The following PLXNA2 variants were observed in gnomAD, a reference collection of about 807,000 sequenced individuals.
PLXNA2 encodes plexin-A2.
Under a neutral mutation model 193.5 loss-of-function variants are expected in PLXNA2, and 91 were observed. The ratio of observed to expected loss-of-function variants is 0.47; its 90% CI spans 0.40 to 0.56. The LOEUF is 0.56. PLXNA2 is among the 20% of genes least tolerant of loss of function. PLXNA2 has a pLI of 0.00. For missense variants in PLXNA2, 1,995 were observed against 2,503.2 expected, an observed-to-expected ratio of 0.80 and a Z score of 4.33; for synonymous variants, 997 against 1,027.3, an observed-to-expected ratio of 0.97 and a Z score of 0.56.
In PLXNA2 at chr1:208,220,053, C is replaced by T. The variant is rs936184902; in HGVS notation, c.-80-2051G>A. Among the ~76,000 whole-genome samples the T allele has an allele frequency of 3.9e-5, 6 of 152,286 alleles. No individual in the cohort carries two copies. In the East Asian group the frequency reaches 7.7e-4, roughly 20 times the overall value. ...GCAAGAGGCCATTCTCTGCCCCTGTCGCTGGGAAGAAAATCTCCTTGGGTT... is the reference window on the plus strand; with the variant it reads ...GCAAGAGGCCATTCTCTGCCCCTGTTGCTGGGAAGAAAATCTCCTTGGGTT... On this transcript the variant is annotated intron_variant, in intron 1 of 31. Coordinates refer to ENST00000367033, the MANE Select transcript of PLXNA2 (RefSeq NM_025179.4).
intron 3 of PLXNA2, among the ~76,000 whole-genome samples, chr1:208,171,265 G>A (rs960940910): frequency 7.9e-5 from 12 of 152,190 alleles, no homozygotes; most frequent in South Asian, 6.2e-4. Context: ...TGCTGGGGAA[G>A]GGCTGGGGTA....
intron 13 of PLXNA2, among the ~76,000 whole-genome samples, chr1:208,056,499 A>C (rs1665435909): frequency 6.6e-6 from 1 of 152,212 alleles, no homozygotes; most frequent in Non-Finnish European, 1.5e-5. Context: ...GTAGGAAAGG[A>C]GAAGGCCTGG....
intron 4 of PLXNA2, among the ~76,000 whole-genome samples, chr1:208,141,075 G>A (rs763045351): frequency 6.6e-6 from 1 of 152,206 alleles, no homozygotes; most frequent in Non-Finnish European, 1.5e-5. Flanking sequence ...ATACTTCAAC[G>A]GCAGAGGCCA....
rs576974824 is a variant in PLXNA2 at position 208,200,765 on chromosome 1, A to ATT, written c.1371+9513_1371+9514dup. Among the ~76,000 whole-genome samples the ATT allele has an allele frequency of 6.2e-5, 9 of 145,060 alleles. No individual in the cohort carries two copies. In the South Asian group the frequency reaches 1.8e-3, roughly 28 times the overall value. On this transcript the variant is annotated intron_variant, in intron 3 of 31. Transcript: ENST00000367033. ...AGGCATCCGCCACCAGGCCCAGCTA[A>ATT]TTTTTTTTTTTTGTATTTTTAGTAG...
At chr1:208,190,147 G>T (rs936760503) in intron 3 of PLXNA2, among the ~76,000 whole-genome samples, 12 of 152,168 alleles carry the variant, frequency 7.9e-5, no homozygotes, top group African/African-American at 2.9e-4. Context: ...GAAGGAGGCA[G>T]AAAAGGGATT....
chr1:208,128,081 C>T (rs964392151), intron 4 of PLXNA2, among the ~76,000 whole-genome samples: 22 of 152,090 alleles, frequency 1.4e-4, no homozygotes, highest in African/African-American at 4.6e-4. Context: ...CAGAGAGATC[C>T]GGAGCCAAGA....
intron 4 of PLXNA2, among the ~76,000 whole-genome samples, chr1:208,113,022 A>AAAC (rs1260711283): frequency 6.6e-6 from 1 of 151,730 alleles, no homozygotes; most frequent in East Asian, 1.9e-4. Context: ...AAAAAAAAAA[A>AAAC]AACAGAGATG....
intron 3 of PLXNA2, among the ~76,000 whole-genome samples, chr1:208,162,618 G>A (rs1235612403): frequency 6.6e-6 from 1 of 152,194 alleles, no homozygotes; most frequent in Non-Finnish European, 1.5e-5. Context: ...AATCAGGCAA[G>A]GAAGGCAGAT....
At chr1:208,215,444 G>T (rs1011441540) in intron 2 of PLXNA2, among the ~76,000 whole-genome samples, 2 of 152,088 alleles carry the variant, frequency 1.3e-5, no homozygotes, top group Non-Finnish European at 2.9e-5. Flanking sequence ...TAGATGGAGG[G>T]CTAGGTAGAC....
At chr1:208,153,135 C>G (rs920764527) in intron 3 of PLXNA2, among the ~76,000 whole-genome samples, 1 of 152,180 alleles carries the variant, frequency 6.6e-6, no homozygotes, top group African/African-American at 2.4e-5. Flanking sequence ...GAAGGAATCC[C>G]TGTTGCTGAG....
chr1:208,064,514 A>T (rs1665725625), intron 12 of PLXNA2, among the ~76,000 whole-genome samples: 1 of 152,078 alleles, frequency 6.6e-6, no homozygotes, highest in African/African-American at 2.4e-5. Context: ...CTGTTTAAAA[A>T]TCCCTGAGCC....
chr1:208,223,427 C>T (rs1238256302), intron 1 of PLXNA2, among the ~76,000 whole-genome samples: 3 of 152,066 alleles, frequency 2.0e-5, no homozygotes, highest in Admixed American at 6.6e-5. Flanking sequence ...GTCCTGTTTT[C>T]GGGAAAGTGG....
intron 1 of PLXNA2, among the ~76,000 whole-genome samples, chr1:208,242,374 C>T (rs1320459967): frequency 6.6e-6 from 1 of 152,184 alleles, no homozygotes; most frequent in Non-Finnish European, 1.5e-5. Flanking sequence ...CGCTCATAAG[C>T]CTTGTCCACT....
intron 3 of PLXNA2, among the ~76,000 whole-genome samples, chr1:208,188,726 A>AT (rs1451385964): frequency 6.6e-6 from 1 of 151,710 alleles, no homozygotes; most frequent in Non-Finnish European, 1.5e-5. Context: ...AAAAAAAAAA[A>AT]GAAAAAAAAT....
intron 4 of PLXNA2, among the ~76,000 whole-genome samples, chr1:208,127,906 T>G (rs1389910473): frequency 6.6e-5 from 10 of 152,104 alleles, no homozygotes; most frequent in Non-Finnish European, 1.3e-4. Context: ...TGACTGCCCC[T>G]CCTCTCTGTG....
rs1664300422 is a variant in PLXNA2 at position 208,025,037 on chromosome 1, C to T, written c.*2206G>A. ...GCCAGTCATTAGTATTTCCTTCAGG[C>T]TACTAATAGGGCCTGAGAAACTTTA... is the stretch of plus-strand genomic sequence containing the variant. On this transcript the variant is annotated 3_prime_UTR_variant, in exon 32 of 32. Coordinates refer to ENST00000367033, the MANE Select transcript of PLXNA2 (RefSeq NM_025179.4). 6.6e-6 allele frequency: 1 copy of T among 152,618 alleles called. No homozygotes were observed. The highest frequency in any genetic ancestry group is 2.4e-5 in the African/African-American group (1 of 41,446). 9.5% of individuals were successfully genotyped at this position (152,618 alleles called of 1,614,324 possible). A position where few individuals can be genotyped will look rare whatever the true frequency, so the allele number is the denominator to read the frequency against.
At chr1:208,150,743 A>C in intron 3 of PLXNA2, among the ~76,000 whole-genome samples, 1 of 152,134 alleles carries the variant, frequency 6.6e-6, no homozygotes, top group East Asian at 1.9e-4. Context: ...CCCCTGCTCC[A>C]TGCCTTCCTA....
chr1:208,205,692 A>G (rs1159062424), intron 3 of PLXNA2, among the ~76,000 whole-genome samples: 1 of 152,136 alleles, frequency 6.6e-6, no homozygotes. Flanking sequence ...GTTGGTGACC[A>G]TCCAGTCTCT....
intron 22 of PLXNA2, among the ~76,000 whole-genome samples, chr1:208,041,090 C>T (rs781088405): frequency 3.3e-5 from 5 of 152,326 alleles, no homozygotes; most frequent in Admixed American, 6.5e-5. Flanking sequence ...CCTCCCAGCA[C>T]CCTCTCCCTG....
Sources: gnomAD v4.1 joint callset for allele counts (sites outside exome capture counted in the v4.1 genomes callset) on GRCh38, gnomAD v4.1.1 for gene constraint, MANE v1.5 for transcripts, NCBI Gene and HGNC (gene_info 2026-07-23, HGNC 2026-07-21) for gene names.